The following SCN10A variants were observed in gnomAD, a reference collection of about 807,000 sequenced individuals.
SCN10A encodes sodium voltage-gated channel alpha subunit 10.
SCN10A carries 162 observed loss-of-function variants against 170.7 expected under a neutral mutation model. The observed-to-expected ratio is 0.95, with a 90% CI of 0.84 to 1.08. The LOEUF (loss-of-function observed/expected upper bound fraction) is 1.08, where lower values mean the gene tolerates loss of function less well. SCN10A is among the 50% of genes least tolerant of loss of function. SCN10A has a pLI of 0.00. For missense variants in SCN10A, 2,527 were observed against 2,436.9 expected (o/e 1.04, Z -0.78); for synonymous variants, 985 against 904.6 (o/e 1.09, Z -1.59).
intron 13 of SCN10A, among the ~76,000 whole-genome samples, chr3:38,748,315 G>A (rs2063713503): frequency 6.6e-6 from 1 of 152,138 alleles, no homozygotes; most frequent in South Asian, 2.1e-4. Flanking sequence ...TTATCAATGA[G>A]AAAAAATAAT....
At chr3:38,706,896 T>C (rs920808733) in intron 26 of SCN10A, among the ~76,000 whole-genome samples, 3 of 152,052 alleles carry the variant, frequency 2.0e-5, no homozygotes, top group Non-Finnish European at 4.4e-5. Flanking sequence ...TATAGGGTGA[T>C]ACTGGAGATC....
chr3:38,752,458 G>T lies in SCN10A; in HGVS notation c.1516C>A (p.His506Asn), dbSNP rs745555704. Residue 506 changes from histidine (H) to asparagine (N), a missense_variant, in exon 12 of 28, where the codon CAT (histidine) becomes AAT (asparagine). By Grantham distance (68) the His-to-Asn change is moderately conservative. Transcript: ENST00000449082. The part of the protein sequence containing the change: ...KRRASHGSVF[H>N]FRSPGRDISL... ...ATATCTCGGCCAGGGGACCGGAAAT[G>T]GAACACACTGCCATGACTAGCCCGG... 7.4e-6 allele frequency: 12 copies of T among 1,612,348 alleles called. No homozygotes were observed. Among genetic ancestry groups the T allele is most frequent in the Admixed American group, 6.7e-5 (4 of 59,766 alleles).
At chr3:38,805,521 G>A (rs1299798293) in intron 1 of SCN10A, among the ~76,000 whole-genome samples, 1 of 152,162 alleles carries the variant, frequency 6.6e-6, no homozygotes, top group Non-Finnish European at 1.5e-5. Flanking sequence ...CATACAGCCA[G>A]TGATACTGAT....
intron 20 of SCN10A, among the ~76,000 whole-genome samples, chr3:38,721,249 G>A (rs528207959): frequency 8.3e-4 from 127 of 152,330 alleles, no homozygotes; most frequent in African/African-American, 3.0e-3. Flanking sequence ...TGACACATGA[G>A]GCGCAAGATG....
rs778131383 is a variant in SCN10A, at chr3:38,752,334, C to T, written c.1640G>A (p.Gly547Asp). Residue 547 changes from glycine (G) to aspartate (D), a missense_variant, in exon 12 of 28, where the codon GGC becomes GAC. Transcript: ENST00000449082. ...LLLGGGAGQQ[G>D]PLPRSPLPQP... is the part of the protein sequence containing the mutation. ...AGGAAGAGGGCTTCTAGGGAGGGGG[C>T]CTTGCTGGCCAGCACCCCCACCCAG... 21 of 1,613,008 alleles carry T rather than the reference C, an allele frequency of 1.3e-5. No individual in the cohort carries two copies. Among genetic ancestry groups the T allele is most frequent in the Non-Finnish European group, 1.8e-5 (21 of 1,179,540 alleles).
intron 1 of SCN10A, among the ~76,000 whole-genome samples, chr3:38,798,814 A>C: frequency 9.8e-6 from 1 of 101,726 alleles, no homozygotes; most frequent in Non-Finnish European, 2.0e-5. Flanking sequence ...TTTTGAGACA[A>C]GTTCTCACTC....
Position 38,707,493 on chromosome 3 carries a change from G to A in SCN10A, c.4282-110C>T. The stretch of plus-strand genomic sequence containing the variant: ...TATCAACCTTCTCCCCTCCTCTGCA[G>A]ATAGACAAACCAAGCCCAGCATCAA... On this transcript the variant is annotated intron_variant, in intron 25 of 27. Coordinates refer to ENST00000449082, the MANE Select transcript of SCN10A (RefSeq NM_006514.4). 7.3e-6 allele frequency: 8 copies of A among 1,098,634 alleles called. No individual in the cohort carries two copies. The South Asian group carries it at 1.1e-4, about 16-fold the overall frequency. 68.1% of individuals were successfully genotyped at this position (1,098,634 alleles called of 1,614,324 possible). A position where few individuals can be genotyped will look rare whatever the true frequency, so the allele number is the denominator to read the frequency against.
At chr3:38,789,140 A>AT in intron 3 of SCN10A, 104 bp from the exon 4 acceptor site, 1 of 728,358 alleles carries the variant, frequency 1.4e-6, no homozygotes, top group African/African-American at 1.7e-5. Flanking sequence ...CTTAGCCAAT[A>AT]TTAGCTTTAT....
chr3:38,795,101 TA>T (rs2064330882), intron 1 of SCN10A, among the ~76,000 whole-genome samples: 1 of 152,150 alleles, frequency 6.6e-6, no homozygotes, highest in Non-Finnish European at 1.5e-5. Flanking sequence ...CCTCCAACTT[TA>T]AAAACTTTCC....
chr3:38,765,078 T>C (rs1055566595), intron 5 of SCN10A, among the ~76,000 whole-genome samples: 2 of 152,220 alleles, frequency 1.3e-5, no homozygotes, highest in Non-Finnish European at 2.9e-5. Flanking sequence ...TCTTGCTGAT[T>C]TATTTGTGTT....
chr3:38,717,961 C>T (rs1360983853), intron 21 of SCN10A, among the ~76,000 whole-genome samples: 1 of 152,198 alleles, frequency 6.6e-6, no homozygotes, highest in Non-Finnish European at 1.5e-5. Context: ...ACAGTCAATT[C>T]TCTAATGCAG....
chr3:38,732,839 T>G (rs1204217929), intron 15 of SCN10A, among the ~76,000 whole-genome samples: 1 of 152,158 alleles, frequency 6.6e-6, no homozygotes, highest in Non-Finnish European at 1.5e-5. Flanking sequence ...TTTAGCTGGT[T>G]TATAAGAATA....
At chr3:38,748,794 C>T (rs1341191827) in intron 13 of SCN10A, among the ~76,000 whole-genome samples, 1 of 152,170 alleles carries the variant, frequency 6.6e-6, no homozygotes, top group Non-Finnish European at 1.5e-5. Flanking sequence ...GGTTGCCTTT[C>T]CCCAGATTTT....
At chr3:38,813,022 G>T (rs111614054) in intron 1 of SCN10A, among the ~76,000 whole-genome samples, 27 of 152,152 alleles carry the variant, frequency 1.8e-4, no homozygotes, top group African/African-American at 6.0e-4. Context: ...GTTGGAGTGA[G>T]ACCCTGTCTC....
intron 4 of SCN10A, among the ~76,000 whole-genome samples, chr3:38,780,938 T>A (rs1306967069): frequency 6.6e-6 from 1 of 152,006 alleles, no homozygotes; most frequent in Non-Finnish European, 1.5e-5. Context: ...TTGAGAGCAA[T>A]CATCGAAGTT....
chr3:38,795,779 G>A (rs1436832573), intron 1 of SCN10A, among the ~76,000 whole-genome samples: 1 of 152,076 alleles, frequency 6.6e-6, no homozygotes, highest in East Asian at 1.9e-4. Context: ...AACAGCGCTA[G>A]CATTTACTGA....
At chr3:38,700,858 A>G (rs906646032) in intron 27 of SCN10A, among the ~76,000 whole-genome samples, 1 of 152,226 alleles carries the variant, frequency 6.6e-6, no homozygotes, top group Admixed American at 6.5e-5. Context: ...ATACATTTAT[A>G]ATGCCAGGTG....
At chr3:38,708,231 G>A (rs890390283) in intron 25 of SCN10A, among the ~76,000 whole-genome samples, 4 of 152,270 alleles carry the variant, frequency 2.6e-5, no homozygotes, top group African/African-American at 7.2e-5. Context: ...AAGGGCAAGG[G>A]CAGTGGGTAG....
At chr3:38,771,136 C>T in intron 5 of SCN10A, 143 bp downstream of exon 5, 1 of 822,244 alleles carries the variant, frequency 1.2e-6, no homozygotes. Flanking sequence ...TGGTATATTC[C>T]TGCAGTGGTT....
Sources: gnomAD v4.1 joint callset for allele counts (sites outside exome capture counted in the v4.1 genomes callset) on GRCh38, gnomAD v4.1.1 for gene constraint, MANE v1.5 for transcripts, NCBI Gene and HGNC (gene_info 2026-07-23, HGNC 2026-07-21) for gene names.